ALLC: variants seen among roughly 807,000 people sequenced by gnomAD.
ALLC encodes probable inactive allantoicase.
ALLC carries 40 observed loss-of-function variants against 45.0 expected under a neutral mutation model. That is an observed-to-expected ratio of 0.89 (90% confidence interval 0.69 to 1.16). The LOEUF (loss-of-function observed/expected upper bound fraction) is 1.16. Among genes scored for constraint, ALLC ranks in the 50% most tolerant of loss-of-function variants. ALLC has a pLI of 0.00. For synonymous variants in ALLC, 176 were observed against 178.1 expected (o/e 0.99, Z 0.09); for missense variants, 488 against 493.1 (o/e 0.99, Z 0.10).
At chr2:3,653,915 G>T (rs1280678443), upstream of ALLC, among the ~76,000 whole-genome samples, 3 of 152,172 alleles carry the variant, frequency 2.0e-5, no homozygotes, top group Non-Finnish European at 4.4e-5. This position sits in a 1 kb window ranked among gnomAD's most constrained non-coding sequence, Gnocchi z 4.1. Flanking sequence ...ATCTATGGCT[G>T]TGTAACGAAT....
chr2:3,667,903 T>C (rs1415035839), intron 1 of ALLC, among the ~76,000 whole-genome samples: 1 of 152,200 alleles, frequency 6.6e-6, no homozygotes, highest in Non-Finnish European at 1.5e-5. Context: ...TAGCTGGGAT[T>C]ACAGGCATGC....
chr2:3,661,900 G>C (rs2147991516), intron 1 of ALLC, among the ~76,000 whole-genome samples: 1 of 152,296 alleles, frequency 6.6e-6, no homozygotes, highest in East Asian at 1.9e-4. Context: ...TCAAAATCCA[G>C]GTGGGCTGGG....
rs1197122241 is a variant in ALLC, at chr2:3,680,583, A to G, written c.298+589A>G. ...ACCAAAGAAAGAGGCTGACAAATCC[A>G]GTCTGTTGGTAACGGGTATTTTATT... On this transcript the variant is annotated intron_variant, in intron 5 of 11. Transcript: ENST00000252505. This position sits in a 1 kb window ranked among gnomAD's most constrained non-coding sequence, Gnocchi z 4.0. 1.3e-5 allele frequency among the ~76,000 whole-genome samples: 2 copies of G among 152,220 alleles called. No homozygotes were observed. The highest frequency in any genetic ancestry group is 3.8e-4 in the East Asian group (2 of 5,206).
At chr2:3,660,963 A>G (rs1288802163) in intron 1 of ALLC, among the ~76,000 whole-genome samples, 2 of 152,236 alleles carry the variant, frequency 1.3e-5, no homozygotes, top group East Asian at 3.8e-4. Flanking sequence ...ATAATTGAAC[A>G]TACTGACATA....
At chr2:3,649,342 C>A in the ALLC span, among the ~76,000 whole-genome samples, 3 of 151,750 alleles carry the variant, frequency 2.0e-5, no homozygotes, top group African/African-American at 7.3e-5. Context: ...CCTGGGTTCA[C>A]GCCATTCTCC....
chr2:3,701,466 G>A lies in ALLC; in HGVS notation c.851-46G>A, dbSNP rs1317483596. The A allele has an allele frequency of 5.9e-6, 9 of 1,535,520 alleles. No individual in the cohort carries two copies. The Admixed American group carries it at 1.6e-4, about 27-fold the overall frequency. ...AGCATGATATCCTATACGCCAAACTGAGTGCAAATGCGGGCAGAAAATCAC... is the reference window on the plus strand; with the variant it reads ...AGCATGATATCCTATACGCCAAACTAAGTGCAAATGCGGGCAGAAAATCAC... On this transcript the variant is annotated intron_variant, in intron 10 of 11. Coordinates refer to ENST00000252505, the MANE Select transcript of ALLC (RefSeq NM_018436.4).
chr2:3,685,600 C>T (rs1667318499), intron 7 of ALLC, among the ~76,000 whole-genome samples: 1 of 150,824 alleles, frequency 6.6e-6, no homozygotes, highest in South Asian at 2.1e-4. Context: ...GCAGGTCCCT[C>T]CCTGGACATG....
chr2:3,696,416 A>G, intron 9 of ALLC, 68 bp downstream of exon 9: 4 of 1,384,906 alleles, frequency 2.9e-6, no homozygotes, highest in Non-Finnish European at 4.0e-6. Context: ...TTTTTCTTTT[A>G]AATAAACTTT....
intron 11 of ALLC, 40 bp from the exon 12 acceptor site, chr2:3,702,323 T>C: frequency 6.3e-7 from 1 of 1,593,192 alleles, no homozygotes; most frequent in South Asian, 1.1e-5. Context: ...ACACATGTCC[T>C]GTTAACAGAC....
In ALLC at chr2:3,701,690, G is replaced by C. The variant is rs1222815019; in HGVS notation, c.975+54G>C. ...CACTCAGACTGTGCTATTTCCCTAA[G>C]ATTCTCTTTTGAAGGATTAGGATAC... On this transcript the variant is annotated intron_variant, in intron 11 of 11. Coordinates refer to ENST00000252505, the MANE Select transcript of ALLC (RefSeq NM_018436.4). The C allele has an allele frequency of 2.1e-5, 32 of 1,544,204 alleles. No individual in the cohort carries two copies. In the Admixed American group the frequency reaches 4.5e-4, roughly 21 times the overall value.
intron 1 of ALLC, among the ~76,000 whole-genome samples, chr2:3,670,078 G>A (rs1228397968): frequency 2.0e-5 from 3 of 152,134 alleles, no homozygotes; most frequent in African/African-American, 7.2e-5. Context: ...TCAGGATGTC[G>A]GGAGCGCCTT....
intron 7 of ALLC, among the ~76,000 whole-genome samples, chr2:3,690,998 A>G (rs1039197298): frequency 7.5e-4 from 114 of 151,292 alleles, no homozygotes; most frequent in African/African-American, 2.7e-3. Flanking sequence ...TTCATTTAAG[A>G]CTGGTGGTGG....
chr2:3,696,310 G>A lies in ALLC; in HGVS notation c.703G>A (p.Glu235Lys), dbSNP rs1446209817. 6.2e-7 allele frequency: 1 copy of A among 1,613,520 alleles called. No homozygotes were observed. Among genetic ancestry groups the A allele is most frequent in the Non-Finnish European group, 8.5e-7 (1 of 1,179,726 alleles). The change falls in exon 9 of 12, where the codon GAA becomes AAA. Residue 235 changes from glutamate to lysine, a missense_variant. Coordinates refer to ENST00000252505, the MANE Select transcript of ALLC (RefSeq NM_018436.4). The part of the protein sequence containing the change: ...GGAKSMADGW[E>K]TARRLDRPPI... ...GGCAAAGTCTATGGCGGATGGTTGG[G>A]AAACTGCAAGAAGGCTGGACCGGCC...
chr2:3,665,342 A>G (rs1366236936), intron 1 of ALLC, among the ~76,000 whole-genome samples: 1 of 151,934 alleles, frequency 6.6e-6, no homozygotes, highest in Non-Finnish European at 1.5e-5. Context: ...TCTGGGATAC[A>G]TGTGCGGATG....
chr2:3,676,628 G>A (rs1287163501), intron 3 of ALLC, among the ~76,000 whole-genome samples: 6 of 152,262 alleles, frequency 3.9e-5, no homozygotes, highest in South Asian at 2.1e-4. Flanking sequence ...CTTAGCTGCC[G>A]AATAATAACT....
At chr2:3,651,282 T>TG in the ALLC span, among the ~76,000 whole-genome samples, 1 of 89,510 alleles carries the variant, frequency 1.1e-5, no homozygotes, top group Non-Finnish European at 2.1e-5. Context: ...CGCCGATGCT[T>TG]GCGGGAATTC....
upstream of ALLC, among the ~76,000 whole-genome samples, chr2:3,655,852 C>T (rs972065732): frequency 1.3e-4 from 20 of 152,038 alleles, no homozygotes; most frequent in Non-Finnish European, 1.9e-4. Context: ...AGACAAGCCT[C>T]GAGCATTGCC....
At chr2:3,693,201 T>C (rs1667566970) in intron 7 of ALLC, among the ~76,000 whole-genome samples, 1 of 152,154 alleles carries the variant, frequency 6.6e-6, no homozygotes, top group Non-Finnish European at 1.5e-5. Flanking sequence ...TGTTTTCCCA[T>C]CCCTCAACCC....
At chr2:3,665,810 T>C (rs142068162) in intron 1 of ALLC, among the ~76,000 whole-genome samples, 4,124 of 152,332 alleles carry the variant, frequency 0.027, 183 homozygotes, top group African/African-American at 0.095. Flanking sequence ...ACTATTTATA[T>C]TCCTTTGGGT....
Sources: allele counts gnomAD v4.1 joint callset (sites outside exome capture counted in the v4.1 genomes callset), GRCh38; gene constraint gnomAD v4.1.1; non-coding constraint Gnocchi (gnomAD v3.1); transcripts MANE v1.5; gene names NCBI Gene and HGNC (gene_info 2026-07-23, HGNC 2026-07-21).